The following C10orf90 variants were observed in gnomAD, a reference collection of about 807,000 sequenced individuals.
C10orf90 encodes chromosome 10 open reading frame 90.
In C10orf90, 56 loss-of-function variants were observed where a neutral mutation model predicts 62.5. That is an observed-to-expected ratio of 0.90 (90% CI 0.72 to 1.12). The LOEUF is 1.12. Among genes scored for constraint, C10orf90 ranks in the 50% most tolerant of loss-of-function variants. C10orf90 has a pLI of 0.00. For synonymous variants in C10orf90, 386 were observed against 340.4 expected (o/e 1.13, Z -1.47); for missense variants, 970 against 880.4 (o/e 1.10, Z -1.29).
chr10:126,531,566 A>C (rs1300357284), intron 2 of C10orf90, among the ~76,000 whole-genome samples: 1 of 152,240 alleles, frequency 6.6e-6, no homozygotes, highest in Non-Finnish European at 1.5e-5. Context: ...ATGATGCTGG[A>C]ACAACTGGAT....
chr10:126,504,541 C>A lies in C10orf90; in HGVS notation c.950G>T (p.Arg317Leu), dbSNP rs369459666. ...GTCTGCATGGGTGACCCAGTACTTG[C>A]GTCTCTCACACAACCCAGTGTGGGC... ...PEAHTGLCER[R>L]KYWVTHADDK... Residue 317 changes from arginine to leucine, a missense_variant, in exon 4 of 10, where the codon CGC becomes CTC. By Grantham distance (102) the Arg-to-Leu change is moderately radical (BLOSUM62 -2). Transcript: ENST00000488181. The surrounding 1 kb of genome is among the most constrained non-coding windows in gnomAD (Gnocchi z 4.1). 1.9e-6 allele frequency: 3 copies of A among 1,614,212 alleles called. No individual in the cohort carries two copies. Among genetic ancestry groups the A allele is most frequent in the East Asian group, 2.2e-5 (1 of 44,882 alleles).
Position 126,486,492 on chromosome 10 carries a change from C to T in C10orf90, c.1534+17465G>A, listed in dbSNP as rs142525310. Among the ~76,000 whole-genome samples, 512 of 152,298 alleles carry T rather than the reference C, an allele frequency of 3.4e-3. 6 individuals carry two copies. The highest frequency in any genetic ancestry group is 4.6e-3 in the East Asian group (24 of 5,190). On this transcript the variant is annotated intron_variant, in intron 4 of 9. Transcript: ENST00000488181. Reference sequence around the variant, plus strand: ...ACACCAAACTGCAGAAGCAGACACACATATGCCTCAGATAAAAAATACATA... The same window carrying T: ...ACACCAAACTGCAGAAGCAGACACATATATGCCTCAGATAAAAAATACATA...
At chr10:126,500,559 A>C (rs1028492975) in intron 4 of C10orf90, among the ~76,000 whole-genome samples, 26 of 152,114 alleles carry the variant, frequency 1.7e-4, no homozygotes, top group African/African-American at 5.8e-4. Flanking sequence ...ATGGGGATTA[A>C]ATTTTTTATG....
chr10:126,635,133 T>C (rs988802424), intron 2 of C10orf90, among the ~76,000 whole-genome samples: 1 of 152,180 alleles, frequency 6.6e-6, no homozygotes, highest in Non-Finnish European at 1.5e-5. Context: ...AAGGCATTAG[T>C]GAACGCCACA....
At chr10:126,624,916 C>A (rs1165305230) in intron 2 of C10orf90, among the ~76,000 whole-genome samples, 1 of 152,178 alleles carries the variant, frequency 6.6e-6, no homozygotes, top group African/African-American at 2.4e-5. Flanking sequence ...AACCCAGCAG[C>A]CAAAGATGGA....
In C10orf90 at chr10:126,461,517, G is replaced by A; in HGVS notation, c.1894C>T (p.Pro632Ser). 6.2e-7 allele frequency: 1 copy of A among 1,614,100 alleles called. No individual in the cohort carries two copies. Reference sequence around the variant, plus strand: ...GAGGGTGCTGCTGGGGAGGGCTCAGGTGTGGTGGGGTCCTCACTCTTCTTA... The same window carrying A: ...GAGGGTGCTGCTGGGGAGGGCTCAGATGTGGTGGGGTCCTCACTCTTCTTA... ...ECKKSEDPTT[P>S]EPSPAAPSPA... Residue 632 changes from proline (P) to serine (S), a missense_variant, in exon 6 of 10, where the codon CCT becomes TCT. Pro to Ser is a moderately conservative substitution (Grantham distance 74). Transcript: ENST00000488181.
chr10:126,557,208 G>A (rs987788013), intron 2 of C10orf90, among the ~76,000 whole-genome samples: 4 of 151,966 alleles, frequency 2.6e-5, no homozygotes, highest in Non-Finnish European at 5.9e-5. Context: ...GTGGCCGGGT[G>A]CGGTGGCTGA....
At chr10:126,658,154 G>A (rs1303419727) in intron 1 of C10orf90, among the ~76,000 whole-genome samples, 5 of 152,306 alleles carry the variant, frequency 3.3e-5, no homozygotes, top group South Asian at 2.1e-4. Context: ...ACAGCCATGA[G>A]GTCCCGCTTC....
chr10:126,532,225 C>T (rs1004109502), intron 2 of C10orf90, among the ~76,000 whole-genome samples: 1 of 152,172 alleles, frequency 6.6e-6, no homozygotes, highest in Non-Finnish European at 1.5e-5. Context: ...TGACCTGTGG[C>T]TCTATCTGTG....
chr10:126,585,381 A>C (rs1844840873), intron 2 of C10orf90, among the ~76,000 whole-genome samples: 1 of 56,930 alleles, frequency 1.8e-5, no homozygotes, highest in Non-Finnish European at 3.6e-5. Context: ...GAAGGAAGAA[A>C]AGAAAGGAAA....
intron 4 of C10orf90, among the ~76,000 whole-genome samples, chr10:126,489,230 A>C (rs1861592420): frequency 6.6e-6 from 1 of 152,122 alleles, no homozygotes; most frequent in Non-Finnish European, 1.5e-5. Context: ...ATATGAAAAA[A>C]TCAATGTAAT....
In C10orf90 at chr10:126,579,686, A is replaced by G. The variant is rs1007420022; in HGVS notation, c.314-65747T>C. Among the ~76,000 whole-genome samples, 61 of 151,944 alleles carry G rather than the reference A, an allele frequency of 4.0e-4. 1 individual carries two copies. Among genetic ancestry groups the G allele is most frequent in the African/African-American group, 2.4e-5 (1 of 41,354 alleles). ...AAACAACAGAAGTTTTTCAGGGGTG[A>G]TCTCTTACTGAAATCTACCATCACT... On this transcript the variant is annotated intron_variant, in intron 2 of 9. Coordinates refer to ENST00000488181, the MANE Select transcript of C10orf90 (RefSeq NM_001350921.2).
intron 2 of C10orf90, among the ~76,000 whole-genome samples, chr10:126,552,369 C>T (rs1487927421): frequency 6.6e-6 from 1 of 152,152 alleles, no homozygotes; most frequent in Non-Finnish European, 1.5e-5. Flanking sequence ...CACAAATTTG[C>T]ATTTGTCTTA....
intron 4 of C10orf90, among the ~76,000 whole-genome samples, chr10:126,465,488 A>C (rs1217427789): frequency 6.6e-6 from 1 of 152,038 alleles, no homozygotes; most frequent in African/African-American, 2.4e-5. Context: ...AATTGAGGTA[A>C]TGTTATCATG....
intron 2 of C10orf90, among the ~76,000 whole-genome samples, chr10:126,618,836 G>T (rs1186028782): frequency 6.6e-6 from 1 of 152,102 alleles, no homozygotes; most frequent in Non-Finnish European, 1.5e-5. Context: ...CACTTTCCCT[G>T]TTTCAAACTG....
In C10orf90 at chr10:126,570,204, T is replaced by C. The variant is rs1844477968; in HGVS notation, c.314-56265A>G. On this transcript the variant is annotated intron_variant, in intron 2 of 9. Transcript: ENST00000488181. ...TTTGATTCCCCTGCACAGTATGCTTTATGCCTGCGACTCAGAAACTCCTTG... is the reference window on the plus strand; with the variant it reads ...TTTGATTCCCCTGCACAGTATGCTTCATGCCTGCGACTCAGAAACTCCTTG... Among the ~76,000 whole-genome samples, 2 of 152,254 alleles carry C rather than the reference T, an allele frequency of 1.3e-5. 1 individual carries two copies. The highest frequency in any genetic ancestry group is 4.1e-4 in the South Asian group (2 of 4,832).
intron 4 of C10orf90, among the ~76,000 whole-genome samples, chr10:126,472,041 T>A (rs1860611698): frequency 6.6e-6 from 1 of 152,194 alleles, no homozygotes; most frequent in Non-Finnish European, 1.5e-5. Context: ...TTAGATCACA[T>A]CTTTCTACCT....
chr10:126,495,868 T>G (rs1357073676), intron 4 of C10orf90, among the ~76,000 whole-genome samples: 1 of 152,202 alleles, frequency 6.6e-6, no homozygotes, highest in Admixed American at 6.5e-5. Flanking sequence ...TGTGGACAGC[T>G]TGGATGATAC....
intron 2 of C10orf90, among the ~76,000 whole-genome samples, chr10:126,537,063 G>A (rs1419865095): frequency 3.3e-5 from 5 of 152,146 alleles, no homozygotes; most frequent in Non-Finnish European, 1.5e-5. Flanking sequence ...AAGTAAAGGA[G>A]CCAGGCTTGA....
Sources: gnomAD v4.1 joint callset for allele counts (sites outside exome capture counted in the v4.1 genomes callset) on GRCh38, gnomAD v4.1.1 for gene constraint, Gnocchi (gnomAD v3.1) non-coding constraint, MANE v1.5 for transcripts, NCBI Gene and HGNC (gene_info 2026-07-23, HGNC 2026-07-21) for gene names.